CDON: variants seen among roughly 807,000 people sequenced by gnomAD.
CDON encodes cell adhesion associated, oncogene regulated.
Under a neutral mutation model 120.9 loss-of-function variants are expected in CDON, and 73 were observed. That is an observed-to-expected ratio of 0.60 (90% CI 0.50 to 0.73). The LOEUF (loss-of-function observed/expected upper bound fraction) is 0.73. Among genes scored for constraint, CDON ranks in the 30% least tolerant of loss-of-function variants. The probability of loss-of-function intolerance (pLI) is 0.00; values close to 1 mark genes in which losing one functional copy is unlikely to be tolerated. For synonymous variants in CDON, 566 were observed against 573.5 expected (o/e 0.99, Z 0.19); for missense variants, 1,470 against 1,587.3 (o/e 0.93, Z 1.26).
At chr11:126,052,286 C>T (rs576430120) in intron 1 of CDON, among the ~76,000 whole-genome samples, 1 of 152,236 alleles carries the variant, frequency 6.6e-6, no homozygotes, top group Non-Finnish European at 1.5e-5. Flanking sequence ...GGGTAGAAAT[C>T]TGATCTATTT....
At chr11:126,018,138 G>C (rs1025247542) in intron 5 of CDON, among the ~76,000 whole-genome samples, 192 bp downstream of exon 5, 2 of 152,072 alleles carry the variant, frequency 1.3e-5, no homozygotes, top group African/African-American at 4.8e-5. Context: ...GACCTCAGGT[G>C]ATCCACCTGC....
In CDON at chr11:125,970,834, G is replaced by A. The variant is rs1315970762; in HGVS notation, c.3356+7470C>T. 3.9e-5 allele frequency among the ~76,000 whole-genome samples: 6 copies of A among 152,250 alleles called. No individual in the cohort carries two copies. The East Asian group carries it at 1.2e-3, about 29-fold the overall frequency. On this transcript the variant is annotated intron_variant, in intron 18 of 19. Transcript: ENST00000531738. ...AAAGCTGGACTCCCTGACAACAGGC[G>A]CTAGGTCTCCATCTTAGAAGTACGA...
intron 17 of CDON, among the ~76,000 whole-genome samples, chr11:125,980,429 C>G (rs1247396294): frequency 6.6e-6 from 1 of 152,178 alleles, no homozygotes. Flanking sequence ...GAAGTCACAA[C>G]CCGGTGGCCT....
chr11:125,982,558 C>T (rs1401144218), intron 16 of CDON, among the ~76,000 whole-genome samples: 2 of 152,134 alleles, frequency 1.3e-5, no homozygotes, highest in Non-Finnish European at 2.9e-5. Flanking sequence ...AAGCTACACA[C>T]TTTGAGAGGG....
At chr11:126,023,605 G>GCT in intron 1 of CDON, 68 bp from the exon 2 acceptor site, 1 of 751,544 alleles carries the variant, frequency 1.3e-6, no homozygotes, top group East Asian at 2.6e-5. Flanking sequence ...GGAGCTGTGA[G>GCT]CATGACGGCT....
intron 16 of CDON, among the ~76,000 whole-genome samples, chr11:125,981,963 CTATTTTCTTTTTTTTTTTTTT>C (rs1026096055): frequency 1.8e-4 from 6 of 34,136 alleles, no homozygotes; most frequent in Non-Finnish European, 3.7e-4. Flanking sequence ...AAAAGTGATT[CTATTTTCTTTTTTTTTTTTTT>C]TTTTTTTTTT....
intron 18 of CDON, among the ~76,000 whole-genome samples, chr11:125,964,044 T>C (rs930689653): frequency 2.6e-5 from 4 of 152,198 alleles, no homozygotes; most frequent in African/African-American, 9.7e-5. Flanking sequence ...TGAGCACTAA[T>C]CTGAAACCCA....
intron 18 of CDON, among the ~76,000 whole-genome samples, chr11:125,972,005 T>C (rs140593390): frequency 1.3e-5 from 2 of 152,226 alleles, no homozygotes; most frequent in African/African-American, 4.8e-5. Context: ...ATTTAACTCT[T>C]GAAATGCCCA....
intron 2 of CDON, among the ~76,000 whole-genome samples, chr11:126,023,123 A>T (rs1330040727): frequency 1.3e-5 from 2 of 149,880 alleles, no homozygotes; most frequent in Non-Finnish European, 2.9e-5. Flanking sequence ...CCCCTTATTT[A>T]AAAAAAGCAT....
intron 9 of CDON, 68 bp from the exon 10 acceptor site, chr11:126,004,144 T>C (rs1210597192): frequency 2.0e-6 from 3 of 1,496,458 alleles, no homozygotes; most frequent in African/African-American, 1.4e-5. Flanking sequence ...TTCGGTCACA[T>C]TTGATCAAAA....
intron 11 of CDON, among the ~76,000 whole-genome samples, chr11:126,000,216 T>TA (rs11453388): frequency 0.31 from 46,665 of 151,840 alleles, 7,390 homozygotes; most frequent in African/African-American, 0.34. Flanking sequence ...GTAATTTTTT[T>TA]AAAAAAATAG....
chr11:126,039,334 T>A (rs990628895), intron 1 of CDON, among the ~76,000 whole-genome samples: 1 of 152,208 alleles, frequency 6.6e-6, no homozygotes. Context: ...CAGCTATATA[T>A]CCTATGTAAG....
At chr11:126,048,480 A>G (rs1175186101) in intron 1 of CDON, among the ~76,000 whole-genome samples, 1 of 152,140 alleles carries the variant, frequency 6.6e-6, no homozygotes, top group African/African-American at 2.4e-5. Context: ...TGCTATTACA[A>G]TCATCCAAAT....
chr11:126,009,183 A>G (rs1236237920), intron 8 of CDON, among the ~76,000 whole-genome samples: 1 of 152,182 alleles, frequency 6.6e-6, no homozygotes, highest in Non-Finnish European at 1.5e-5. Flanking sequence ...TAACATGCAC[A>G]AGAGGATAAG....
chr11:125,982,006 G>A (rs1209987976), intron 16 of CDON, among the ~76,000 whole-genome samples: 3 of 50,638 alleles, frequency 5.9e-5, no homozygotes, highest in African/African-American at 2.9e-4. Flanking sequence ...TTTTTGAGAT[G>A]GAGTTTCGCT....
At chr11:126,049,905 G>A (rs865956829) in intron 1 of CDON, among the ~76,000 whole-genome samples, 17 of 152,050 alleles carry the variant, frequency 1.1e-4, no homozygotes, top group Middle Eastern at 3.2e-3. Flanking sequence ...CATCCTCCTC[G>A]TTAACTTCTT....
intron 1 of CDON, among the ~76,000 whole-genome samples, chr11:126,033,265 C>T (rs748202512): frequency 1.2e-4 from 18 of 152,028 alleles, no homozygotes; most frequent in South Asian, 2.1e-4. Context: ...GAATGGAGAG[C>T]GTCTGAAGGT....
At chr11:126,008,454 C>T (rs898679363) in intron 8 of CDON, among the ~76,000 whole-genome samples, 1 of 152,062 alleles carries the variant, frequency 6.6e-6, no homozygotes, top group African/African-American at 2.4e-5. Flanking sequence ...ATGGGGTTAC[C>T]ATACATAAAA....
intron 18 of CDON, among the ~76,000 whole-genome samples, chr11:125,964,603 A>G (rs1040247258): frequency 2.0e-5 from 3 of 150,678 alleles, no homozygotes; most frequent in Non-Finnish European, 4.4e-5. Context: ...CAAAGGAGAC[A>G]GACCAAAAAA....
Sources: gnomAD v4.1 joint callset for allele counts (sites outside exome capture counted in the v4.1 genomes callset) on GRCh38, gnomAD v4.1.1 for gene constraint, MANE v1.5 for transcripts, NCBI Gene and HGNC (gene_info 2026-07-23, HGNC 2026-07-21) for gene names.